Variants in PTPRD observed in about 807,000 individuals in gnomAD.
PTPRD encodes receptor-type tyrosine-protein phosphatase delta.
In PTPRD, 34 loss-of-function variants were observed where a neutral mutation model predicts 214.5. The observed-to-expected ratio is 0.16, with a 90% confidence interval of 0.12 to 0.21. The LOEUF (loss-of-function observed/expected upper bound fraction) is 0.21. Ranked by LOEUF, PTPRD falls within the 10% of genes least tolerant of loss-of-function variation. The pLI is 1.00. For missense variants in PTPRD, 2,545 were observed against 2,398.7 expected, an observed-to-expected ratio of 1.06 and a Z score of -1.27; for synonymous variants, 1,128 against 845.7, an observed-to-expected ratio of 1.33 and a Z score of -5.79.
chr9:9,514,113 T>C (rs1302034441), intron 8 of PTPRD, among the ~76,000 whole-genome samples: 4 of 152,062 alleles, frequency 2.6e-5, no homozygotes, highest in South Asian at 4.1e-4. Context: ...AAAATGTTGT[T>C]GCCCCCAAAT....
At chr9:9,150,224 T>C (rs1235429902) in intron 10 of PTPRD, among the ~76,000 whole-genome samples, 1 of 151,994 alleles carries the variant, frequency 6.6e-6, no homozygotes, top group Non-Finnish European at 1.5e-5. Context: ...ATATTAGTGT[T>C]CCAGGGAGTA....
intron 3 of PTPRD, among the ~76,000 whole-genome samples, chr9:10,294,810 T>G (rs1306850082): frequency 6.6e-6 from 1 of 152,016 alleles, no homozygotes; most frequent in African/African-American, 2.4e-5. Flanking sequence ...CAACTATCTT[T>G]GATATCTGTA....
intron 10 of PTPRD, among the ~76,000 whole-genome samples, chr9:9,086,833 C>G (rs376607483): frequency 6.6e-6 from 1 of 151,818 alleles, no homozygotes; most frequent in Non-Finnish European, 1.5e-5. Flanking sequence ...GGGAATTGGG[C>G]CAGTGAAACA....
chr9:9,081,463 T>A (rs2099758903), intron 10 of PTPRD, among the ~76,000 whole-genome samples: 1 of 152,146 alleles, frequency 6.6e-6, no homozygotes, highest in African/African-American at 2.4e-5. Context: ...GAGAAGAATG[T>A]ATATTCTGTT....
chr9:8,777,135 G>A (rs533769418), intron 11 of PTPRD, among the ~76,000 whole-genome samples: 6 of 151,672 alleles, frequency 4.0e-5, no homozygotes, highest in Admixed American at 1.3e-4. Flanking sequence ...GCGTGCCACC[G>A]CGCCTAATTT....
At chr9:8,646,381 T>C (rs2096691402) in intron 12 of PTPRD, among the ~76,000 whole-genome samples, 1 of 152,236 alleles carries the variant, frequency 6.6e-6, no homozygotes, top group Non-Finnish European at 1.5e-5. Flanking sequence ...CCAACTTTAA[T>C]AGCTTACTCC....
chr9:9,307,974 A>C (rs961905718), intron 9 of PTPRD, among the ~76,000 whole-genome samples: 2 of 152,144 alleles, frequency 1.3e-5, no homozygotes, highest in Admixed American at 1.3e-4. Context: ...CAGACAAGCT[A>C]TCCTGCAAAA....
At chr9:9,666,431 A>C (rs16930009) in intron 7 of PTPRD, among the ~76,000 whole-genome samples, 2 of 151,964 alleles carry the variant, frequency 1.3e-5, no homozygotes, top group Admixed American at 6.6e-5. Context: ...AGAATGTTCA[A>C]CTTCTAAGAT....
intron 9 of PTPRD, among the ~76,000 whole-genome samples, chr9:9,304,197 A>C (rs1209339595): frequency 6.6e-6 from 1 of 152,148 alleles, no homozygotes; most frequent in African/African-American, 2.4e-5. Flanking sequence ...TATAAATTAG[A>C]TCATAATTGG....
intron 9 of PTPRD, among the ~76,000 whole-genome samples, chr9:9,224,517 T>C (rs574264717): frequency 8.5e-5 from 13 of 152,108 alleles, no homozygotes; most frequent in African/African-American, 2.6e-4. Flanking sequence ...GATAATAAAA[T>C]ATCTCTGCTC....
At chr9:8,704,111 G>C (rs1244457455) in intron 12 of PTPRD, among the ~76,000 whole-genome samples, 2 of 152,094 alleles carry the variant, frequency 1.3e-5, no homozygotes, top group African/African-American at 2.4e-5. Context: ...GCCACCATAA[G>C]AGTAGGGGCC....
intron 35 of PTPRD, among the ~76,000 whole-genome samples, chr9:8,418,693 G>C (rs146314108): frequency 1.3e-5 from 2 of 151,928 alleles, no homozygotes; most frequent in African/African-American, 4.8e-5. Context: ...ACAAACCTGA[G>C]GATAACAGAC....
intron 11 of PTPRD, among the ~76,000 whole-genome samples, chr9:8,884,604 A>G (rs2098471804): frequency 6.6e-6 from 1 of 152,220 alleles, no homozygotes; most frequent in Non-Finnish European, 1.5e-5. Flanking sequence ...TAGACTAGCT[A>G]TTCCGAAAGT....
At chr9:9,375,612 A>G (rs960370473) in intron 9 of PTPRD, among the ~76,000 whole-genome samples, 6 of 152,126 alleles carry the variant, frequency 3.9e-5, no homozygotes, top group African/African-American at 1.4e-4. Flanking sequence ...CAAACAAACA[A>G]AAAACAAAAA....
intron 11 of PTPRD, among the ~76,000 whole-genome samples, chr9:8,798,416 C>A (rs1381138282): frequency 6.6e-6 from 1 of 152,016 alleles, no homozygotes; most frequent in Admixed American, 6.6e-5. Flanking sequence ...GAATGGAAAA[C>A]CAAACAATTC....
intron 3 of PTPRD, among the ~76,000 whole-genome samples, chr9:10,169,422 A>C (rs375935443): frequency 6.9e-6 from 1 of 144,776 alleles, no homozygotes; most frequent in Non-Finnish European, 1.5e-5. Context: ...TGCAGTGAGC[A>C]GAGATCGCGC....
At chr9:10,160,448 A>C (rs2099120750) in intron 3 of PTPRD, among the ~76,000 whole-genome samples, 1 of 151,978 alleles carries the variant, frequency 6.6e-6, no homozygotes, top group African/African-American at 2.4e-5. Context: ...AATTCTTCTC[A>C]AAGATCATAG....
At chr9:8,933,340 GTTT>G (rs71317383) in intron 11 of PTPRD, among the ~76,000 whole-genome samples, 8 of 80,440 alleles carry the variant, frequency 9.9e-5, no homozygotes, top group East Asian at 4.9e-4. Flanking sequence ...CAACCTTGAG[GTTT>G]TTTTTTTTTT....
At chr9:9,130,387 C>T (rs1166758342) in intron 10 of PTPRD, among the ~76,000 whole-genome samples, 6 of 152,094 alleles carry the variant, frequency 3.9e-5, no homozygotes, top group African/African-American at 7.2e-5. Flanking sequence ...TTCCAAGTCA[C>T]GTAAACAGAA....
Sources: gnomAD v4.1 joint callset for allele counts (sites outside exome capture counted in the v4.1 genomes callset) on GRCh38, gnomAD v4.1.1 for gene constraint, MANE v1.5 for transcripts, NCBI Gene and HGNC (gene_info 2026-07-23, HGNC 2026-07-21) for gene names.